The following TIAM1 variants were observed in gnomAD, a reference collection of about 807,000 sequenced individuals.
TIAM1 encodes the protein TIAM Rac1 associated GEF 1, also known as rho guanine nucleotide exchange factor TIAM1.
A neutral mutation model predicts 163.5 loss-of-function variants in TIAM1; 65 were observed. That is an observed-to-expected ratio of 0.40 (90% CI 0.33 to 0.49). The LOEUF (loss-of-function observed/expected upper bound fraction) is 0.49. Ranked by LOEUF, TIAM1 falls within the 20% of genes least tolerant of loss-of-function variation. The pLI is 0.77. For synonymous variants in TIAM1, 833 were observed against 810.1 expected, an observed-to-expected ratio of 1.03 and a Z score of -0.48; for missense variants, 1,789 against 2,044.7, an observed-to-expected ratio of 0.87 and a Z score of 2.41.
rs1008750546 is a variant in TIAM1, at chr21:31,251,922, C to T, written c.1231G>A (p.Glu411Lys). The T allele has an allele frequency of 6.2e-7, 1 of 1,613,796 alleles. No individual in the cohort carries two copies. Among genetic ancestry groups the T allele is most frequent in the African/African-American group, 1.3e-5 (1 of 75,074 alleles). ...GAGCTCAGGGTGCCGCTGCTCTGCT[C>T]ATCGCTGTGCGCCGAGCCGGCCTCC... ...LEEAGSAHSD[E>K]QSSGTLSSPG... The change falls in exon 5 of 28, where the codon GAG becomes AAG. Residue 411 changes from glutamate to lysine, a missense_variant. Glu to Lys is a moderately conservative substitution (Grantham distance 56, BLOSUM62 1). This residue lies in a region of TIAM1 where 555 missense variants were observed against 564.9 expected (regional missense o/e 0.98). Transcript: ENST00000541036.
chr21:31,232,668 T>C (rs1357538140), intron 6 of TIAM1, among the ~76,000 whole-genome samples: 2 of 152,142 alleles, frequency 1.3e-5, no homozygotes, highest in African/African-American at 4.8e-5. Context: ...GAAAAAGCCA[T>C]CCGAAGCCAC....
At chr21:31,131,571 A>G (rs1367495775) in intron 23 of TIAM1, among the ~76,000 whole-genome samples, 1 of 152,220 alleles carries the variant, frequency 6.6e-6, no homozygotes, top group Non-Finnish European at 1.5e-5. Context: ...ATAATCTTCC[A>G]GAGAATTTGT....
intron 2 of TIAM1, among the ~76,000 whole-genome samples, chr21:31,399,955 C>T (rs1044824124): frequency 3.3e-5 from 5 of 151,964 alleles, no homozygotes; most frequent in Non-Finnish European, 7.4e-5. Flanking sequence ...CTCCTGATAG[C>T]GTATGGGCAC....
chr21:31,229,379 A>G (rs1402911087), intron 6 of TIAM1, among the ~76,000 whole-genome samples: 2 of 152,144 alleles, frequency 1.3e-5, no homozygotes, highest in African/African-American at 4.8e-5. Context: ...TCCAAGGTAT[A>G]TTATCCTAAT....
rs1469429855 is a variant in TIAM1 at position 31,479,436 on chromosome 21, A to G, written c.-421-15401T>C. ...GGGCGGATGGACGGACGGACGGATG[A>G]ATGGAAGGATGGATGGATAGATGGA... On this transcript the variant is annotated intron_variant, in intron 1 of 28. Transcript: ENST00000286827. Among the ~76,000 whole-genome samples, 3 of 144,034 alleles carry G rather than the reference A, an allele frequency of 2.1e-5. No individual in the cohort carries two copies. In the East Asian group the frequency reaches 5.9e-4, roughly 28 times the overall value. The allele number at this position is 144,034 out of a possible 152,430, so 94.5% of individuals were successfully genotyped here. A position where few individuals can be genotyped will look rare whatever the true frequency, so the allele number is the denominator to read the frequency against.
intron 12 of TIAM1, among the ~76,000 whole-genome samples, chr21:31,201,772 C>T (rs546150631): frequency 6.6e-6 from 1 of 152,244 alleles, no homozygotes; most frequent in Non-Finnish European, 1.5e-5. Flanking sequence ...GTCAGAGCCC[C>T]CAGAGGAATG....
intron 1 of TIAM1, among the ~76,000 whole-genome samples, chr21:31,526,981 C>T (rs748242912): frequency 6.6e-6 from 1 of 152,092 alleles, no homozygotes; most frequent in Non-Finnish European, 1.5e-5. Flanking sequence ...GGATTACAGG[C>T]GTGAGCCACC....
chr21:31,263,303 T>C (rs1474500707), intron 4 of TIAM1, among the ~76,000 whole-genome samples: 1 of 152,174 alleles, frequency 6.6e-6, no homozygotes, highest in Non-Finnish European at 1.5e-5. Flanking sequence ...GCACAGAAGA[T>C]GGAGTGACTG....
intron 1 of TIAM1, among the ~76,000 whole-genome samples, chr21:31,548,492 T>G (rs1162353732): frequency 1.4e-5 from 2 of 144,642 alleles, no homozygotes; most frequent in East Asian, 3.9e-4. Flanking sequence ...TTGTTGTTGT[T>G]TTTTTTTTTT....
At chr21:31,147,283 C>T (rs544574088) in intron 19 of TIAM1, among the ~76,000 whole-genome samples, 2 of 152,174 alleles carry the variant, frequency 1.3e-5, no homozygotes, top group African/African-American at 2.4e-5. Context: ...ATAACCTATC[C>T]GGGCTGTTTG....
chr21:31,434,794 G>A (rs1489067314), intron 2 of TIAM1, among the ~76,000 whole-genome samples: 1 of 152,164 alleles, frequency 6.6e-6, no homozygotes. Flanking sequence ...CTACTACAAG[G>A]ACTGTGGTGA....
intron 1 of TIAM1, among the ~76,000 whole-genome samples, chr21:31,543,349 A>T (rs2048379879): frequency 6.6e-6 from 1 of 152,208 alleles, no homozygotes; most frequent in African/African-American, 2.4e-5. Context: ...GTGCGTACAG[A>T]CTGCTGAGTT....
chr21:31,201,650 C>T (rs1430600185), intron 12 of TIAM1, among the ~76,000 whole-genome samples: 1 of 152,182 alleles, frequency 6.6e-6, no homozygotes, highest in African/African-American at 2.4e-5. Flanking sequence ...ATTTTTAAAT[C>T]ATGCTTCCCT....
intron 5 of TIAM1, among the ~76,000 whole-genome samples, chr21:31,247,240 G>T (rs2071550786): frequency 6.6e-6 from 1 of 151,904 alleles, no homozygotes; most frequent in South Asian, 2.1e-4. Context: ...GAGCCCAGGA[G>T]GTTGAAGCTG....
At chr21:31,480,325 T>C (rs2046071383) in intron 1 of TIAM1, among the ~76,000 whole-genome samples, 1 of 152,204 alleles carries the variant, frequency 6.6e-6, no homozygotes, top group Non-Finnish European at 1.5e-5. Context: ...TTTGTTTATT[T>C]CTTTGCTACT....
At chr21:31,185,991 A>G (rs1306731206) in intron 14 of TIAM1, among the ~76,000 whole-genome samples, 1 of 152,236 alleles carries the variant, frequency 6.6e-6, no homozygotes, top group African/African-American at 2.4e-5. Flanking sequence ...CTGGCCTCCT[A>G]AACGGCGAGA....
chr21:31,213,263 C>T, intron 10 of TIAM1, 135 bp downstream of exon 10: 2 of 690,958 alleles, frequency 2.9e-6, no homozygotes, highest in Non-Finnish European at 2.4e-6. Context: ...TGACTTATTA[C>T]ATAACTTTTA....
intron 13 of TIAM1, among the ~76,000 whole-genome samples, chr21:31,191,397 G>A (rs1485475543): frequency 6.6e-6 from 1 of 152,046 alleles, no homozygotes; most frequent in Non-Finnish European, 1.5e-5. Context: ...CTCATGATCT[G>A]CCCACCTCGG....
chr21:31,459,897 A>G (rs1260555862), intron 2 of TIAM1, among the ~76,000 whole-genome samples: 1 of 152,124 alleles, frequency 6.6e-6, no homozygotes, highest in Admixed American at 6.5e-5. Context: ...GGTGCATGGG[A>G]AAAACGGAGG....
Sources: allele counts gnomAD v4.1 joint callset (sites outside exome capture counted in the v4.1 genomes callset), GRCh38; gene constraint gnomAD v4.1.1; regional missense constraint gnomAD v4.1.1; transcripts MANE v1.5; gene names NCBI Gene and HGNC (gene_info 2026-07-23, HGNC 2026-07-21).